Variants in DPP6 observed in about 807,000 individuals in gnomAD.
DPP6 encodes A-type potassium channel modulatory protein DPP6.
DPP6 carries 69 observed loss-of-function variants against 122.6 expected under a neutral mutation model. The observed-to-expected ratio is 0.56, with a 90% confidence interval of 0.46 to 0.69. The LOEUF is 0.69. DPP6 is among the 30% of genes least tolerant of loss of function. The probability of loss-of-function intolerance (pLI) is 0.00; values close to 1 mark genes in which losing one functional copy is unlikely to be tolerated. For missense variants in DPP6, 928 were observed against 1,116.9 expected (o/e 0.83, Z 2.41); for synonymous variants, 418 against 433.1 (o/e 0.97, Z 0.43).
rs564208507 is a variant in DPP6, at chr7:153,965,706, G to C, written c.51+77972G>C. ...TTTTTGTATTTTTAGTAAAAACGGGGTTTCACCTGTGCGGTGGCTCACACC... is the reference window on the plus strand; with the variant it reads ...TTTTTGTATTTTTAGTAAAAACGGGCTTTCACCTGTGCGGTGGCTCACACC... On this transcript the variant is annotated intron_variant, in intron 1 of 25. Coordinates refer to the DPP6 transcript ENST00000404039. Among the ~76,000 whole-genome samples, 23 of 151,962 alleles carry C rather than the reference G, an allele frequency of 1.5e-4. 1 individual carries two copies. In the South Asian group the frequency reaches 4.8e-3, roughly 32 times the overall value.
At chr7:154,067,968 C>T (rs1284893734) in intron 1 of DPP6, among the ~76,000 whole-genome samples, 1 of 148,804 alleles carries the variant, frequency 6.7e-6, no homozygotes, top group Non-Finnish European at 1.5e-5. Flanking sequence ...TCCTATGTTG[C>T]CCAGCCTGGT....
At chr7:154,497,111 G>A (rs62475132) in intron 3 of DPP6, among the ~76,000 whole-genome samples, 1 of 152,074 alleles carries the variant, frequency 6.6e-6, no homozygotes, top group African/African-American at 2.4e-5. Flanking sequence ...ATTTTTCAGA[G>A]CTCAATACCA....
chr7:154,615,471 C>T (rs2130825387), intron 5 of DPP6, among the ~76,000 whole-genome samples: 1 of 152,260 alleles, frequency 6.6e-6, no homozygotes, highest in African/African-American at 2.4e-5. Flanking sequence ...TATTATAATC[C>T]ATTTTCCCTC....
At chr7:154,118,170 G>A (rs900407987) in intron 1 of DPP6, among the ~76,000 whole-genome samples, 37 of 150,796 alleles carry the variant, frequency 2.5e-4, no homozygotes, top group African/African-American at 8.7e-4. Context: ...CAGATCTACA[G>A]CTCCTCCTAG....
At chr7:154,141,453 A>G (rs180806368) in intron 1 of DPP6, among the ~76,000 whole-genome samples, 59 of 152,202 alleles carry the variant, frequency 3.9e-4, no homozygotes, top group African/African-American at 1.4e-3. Flanking sequence ...TTACTGCTCT[A>G]TCTGATCACC....
At chr7:154,565,794 G>A (rs961822723) in intron 4 of DPP6, among the ~76,000 whole-genome samples, 6 of 152,188 alleles carry the variant, frequency 3.9e-5, no homozygotes, top group African/African-American at 1.4e-4. Flanking sequence ...CAAAGTGCTG[G>A]GATTACAGGC....
the DPP6 span, among the ~76,000 whole-genome samples, chr7:153,758,442 G>A: frequency 4.0e-5 from 6 of 151,468 alleles, no homozygotes; most frequent in Admixed American, 1.3e-4. Context: ...CCGTGAAAAC[G>A]CCACGGTCAA....
the DPP6 span, among the ~76,000 whole-genome samples, chr7:153,880,202 T>C: frequency 1.3e-5 from 2 of 152,340 alleles, no homozygotes; most frequent in South Asian, 2.1e-4. Flanking sequence ...TGTTTAAATG[T>C]GTTTAGTAAG....
chr7:154,488,323 C>T (rs1823974428), intron 3 of DPP6, among the ~76,000 whole-genome samples: 1 of 151,862 alleles, frequency 6.6e-6, no homozygotes, highest in Non-Finnish European at 1.5e-5. Flanking sequence ...CCCGTCTCTA[C>T]TAAAAATACA....
At chr7:153,983,604 C>A (rs1585129840) in intron 1 of DPP6, among the ~76,000 whole-genome samples, 2 of 151,830 alleles carry the variant, frequency 1.3e-5, no homozygotes, top group Non-Finnish European at 2.9e-5. Flanking sequence ...TGATAAAAAA[C>A]TCCTCCAGCT....
At chr7:154,176,179 T>G (rs1431292360) in intron 1 of DPP6, among the ~76,000 whole-genome samples, 1 of 152,252 alleles carries the variant, frequency 6.6e-6, no homozygotes, top group African/African-American at 2.4e-5. Flanking sequence ...GTGTGGATTC[T>G]GAGTCCCTGC....
At chr7:154,053,818 C>T (rs1222665021) in intron 1 of DPP6, among the ~76,000 whole-genome samples, 1 of 147,746 alleles carries the variant, frequency 6.8e-6, no homozygotes, top group African/African-American at 2.5e-5. Context: ...TTCATGGGGG[C>T]TGGAAGCCTG....
At chr7:154,768,146 C>T (rs993822991) in intron 8 of DPP6, among the ~76,000 whole-genome samples, 3 of 152,220 alleles carry the variant, frequency 2.0e-5, no homozygotes, top group Non-Finnish European at 2.9e-5. Flanking sequence ...GAAATGCCAC[C>T]ATGGATGACA....
intron 1 of DPP6, among the ~76,000 whole-genome samples, chr7:153,949,733 T>A (rs1417153277): frequency 2.0e-5 from 3 of 152,248 alleles, no homozygotes; most frequent in African/African-American, 7.2e-5. Flanking sequence ...CCGAGTTTAC[T>A]GTGTGTAACT....
chr7:154,298,268 C>CCACACACACACACACACA (rs773227930), intron 1 of DPP6, among the ~76,000 whole-genome samples: 11,838 of 150,176 alleles, frequency 0.079, 621 homozygotes, highest in African/African-American at 0.14. Flanking sequence ...CTCTCTCTCT[C>CCACACACACACACACACA]CACACACACA....
At chr7:154,466,489 C>A (rs568647564) in intron 2 of DPP6, among the ~76,000 whole-genome samples, 5 of 152,186 alleles carry the variant, frequency 3.3e-5, no homozygotes, top group African/African-American at 1.2e-4. Context: ...TTGCTGTATC[C>A]TCTCCCTGCT....
intron 1 of DPP6, among the ~76,000 whole-genome samples, chr7:154,313,716 C>CATATATAT (rs1563460534): frequency 4.5e-5 from 1 of 22,304 alleles, no homozygotes; most frequent in African/African-American, 1.1e-4. Flanking sequence ...TATATATATA[C>CATATATAT]ACACACACGC....
intron 16 of DPP6, among the ~76,000 whole-genome samples, chr7:154,815,801 T>A (rs1033550518): frequency 2.6e-5 from 4 of 152,206 alleles, no homozygotes; most frequent in African/African-American, 4.8e-5. Flanking sequence ...TGTTGAGCCA[T>A]GATTAGGGAG....
chr7:154,867,397 C>G (rs1803977307), intron 17 of DPP6, among the ~76,000 whole-genome samples: 1 of 152,224 alleles, frequency 6.6e-6, no homozygotes. Flanking sequence ...ACCTTGGTCT[C>G]TACCACGGAG....
Sources: allele counts gnomAD v4.1 joint callset (sites outside exome capture counted in the v4.1 genomes callset), GRCh38; gene constraint gnomAD v4.1.1; transcripts MANE v1.5; gene names NCBI Gene and HGNC (gene_info 2026-07-23, HGNC 2026-07-21).